Variants in CCT6B observed in about 807,000 individuals in gnomAD.
The protein encoded by CCT6B is chaperonin containing TCP1 subunit 6B.
CCT6B carries 49 observed loss-of-function variants against 61.5 expected under a neutral mutation model. That is an observed-to-expected ratio of 0.80 (90% confidence interval 0.63 to 1.01). CCT6B has a LOEUF of 1.01. Ranked by LOEUF, CCT6B falls within the 50% of genes least tolerant of loss-of-function variation. The pLI, the probability that CCT6B is intolerant of heterozygous loss-of-function variation, is 0.00. For synonymous variants in CCT6B, 228 were observed against 214.5 expected, an observed-to-expected ratio of 1.06 and a Z score of -0.55; for missense variants, 666 against 634.7, an observed-to-expected ratio of 1.05 and a Z score of -0.53.
At chr17:34,955,359 T>C (rs1484424617) in intron 3 of CCT6B, among the ~76,000 whole-genome samples, 1 of 152,356 alleles carries the variant, frequency 6.6e-6, no homozygotes, top group East Asian at 1.9e-4. Context: ...ATTAATTTCC[T>C]GGTTTTTATA....
intron 8 of CCT6B, 77 bp downstream of exon 8, chr17:34,940,462 G>T: frequency 1.3e-6 from 1 of 790,020 alleles, no homozygotes; most frequent in Non-Finnish European, 2.0e-6. Context: ...TTACACATAA[G>T]CTAAAAGGAA....
chr17:34,959,272 T>C (rs2090383889), intron 2 of CCT6B, among the ~76,000 whole-genome samples: 1 of 151,048 alleles, frequency 6.6e-6, no homozygotes, highest in South Asian at 2.1e-4. Flanking sequence ...TATAGGCGTA[T>C]GTCACCACAC....
intron 10 of CCT6B, among the ~76,000 whole-genome samples, chr17:34,934,770 T>G (rs2090075854): frequency 6.6e-6 from 1 of 152,188 alleles, no homozygotes; most frequent in South Asian, 2.1e-4. Context: ...CCACAACAAC[T>G]TTACACTTTC....
At chr17:34,952,234 A>C (rs2090300346) in intron 4 of CCT6B, among the ~76,000 whole-genome samples, 181 bp from the exon 5 acceptor site, 1 of 152,248 alleles carries the variant, frequency 6.6e-6, no homozygotes, top group African/African-American at 2.4e-5. Flanking sequence ...CAGACACTTT[A>C]GAGTCTAAAG....
rs1231637940 is a variant in CCT6B at position 34,939,653 on chromosome 17, G to A, written c.1029C>T (p.Cys343=). The A allele has an allele frequency of 3.7e-6, 6 of 1,612,912 alleles. No individual in the cohort carries two copies. In the African/African-American group the frequency reaches 8.0e-5, roughly 22 times the overall value. The change falls in exon 9 of 14, where the codon TGC becomes TGT. Residue 343 remains cysteine (C), a synonymous_variant. Coordinates refer to ENST00000314144, the MANE Select transcript of CCT6B (RefSeq NM_006584.4). ...CATACACAAGACCAGCATGTCCCAAGCAATCTACAGTGAGATCTTCAAAAG... is the reference window on the plus strand; with the variant it reads ...CATACACAAGACCAGCATGTCCCAAACAATCTACAGTGAGATCTTCAAAAG... The part of the protein sequence containing the change: ...VNSFEDLTVD[C]LGHAGLVYEY...
intron 7 of CCT6B, among the ~76,000 whole-genome samples, chr17:34,941,118 T>C (rs1440375773): frequency 6.6e-6 from 1 of 151,974 alleles, no homozygotes. Context: ...TCTTTGATAC[T>C]ATACCAAAAC....
chr17:34,928,430 G>A (rs1038742752), intron 13 of CCT6B, among the ~76,000 whole-genome samples: 6 of 151,828 alleles, frequency 4.0e-5, no homozygotes, highest in Admixed American at 6.6e-5. Context: ...CCACCAACAC[G>A]CCTGGCTAAT....
rs2142155472 is a variant in CCT6B, at chr17:34,942,793, C to T, written c.725+3G>A. On this transcript the variant is annotated splice_donor_region_variant and intron_variant, in intron 6 of 13. Transcript: ENST00000314144. ...AAAGTTATAAAGAGAAAGTAACACG[C>T]ACGTTTTTTCATATTCCAGTGAAAC... 1.9e-6 allele frequency: 3 copies of T among 1,577,780 alleles called. No homozygotes were observed. The highest frequency in any genetic ancestry group is 1.1e-5 in the South Asian group (1 of 87,260).
At position 34,951,380 on chromosome 17, in the gene CCT6B, G is replaced by T. The variant is rs988436052; in HGVS notation, c.614+570C>A. Among the ~76,000 whole-genome samples, 2 of 152,108 alleles carry T rather than the reference G, an allele frequency of 1.3e-5. 1 individual carries two copies. Among genetic ancestry groups the T allele is most frequent in the Admixed American group, 1.3e-4 (2 of 15,276 alleles). On this transcript the variant is annotated intron_variant, in intron 5 of 13. Coordinates refer to ENST00000314144, the MANE Select transcript of CCT6B (RefSeq NM_006584.4). ...GGGAGGGGGAAAGAGGGAAGGGTATGCTTCATATGTTAGAAATTGATAAAG... is the reference window on the plus strand; with the variant it reads ...GGGAGGGGGAAAGAGGGAAGGGTATTCTTCATATGTTAGAAATTGATAAAG...
At chr17:34,948,227 G>A (rs908971884) in intron 5 of CCT6B, among the ~76,000 whole-genome samples, 4 of 151,894 alleles carry the variant, frequency 2.6e-5, no homozygotes, top group African/African-American at 9.7e-5. Flanking sequence ...GGTCCCCAAA[G>A]TCCACTGTTA....
intron 12 of CCT6B, among the ~76,000 whole-genome samples, chr17:34,929,436 T>C (rs1382048401): frequency 6.6e-6 from 1 of 151,838 alleles, no homozygotes; most frequent in East Asian, 1.9e-4. Flanking sequence ...ATTTAAACCA[T>C]ACACATCTGA....
chr17:34,959,569 TCAGCAG>T lies in CCT6B; in HGVS notation c.201+12_201+17del. The T allele has an allele frequency of 6.3e-7, 1 of 1,593,506 alleles. No homozygotes were observed. Among genetic ancestry groups the T allele is most frequent in the African/African-American group, 1.3e-5 (1 of 74,668 alleles). On this transcript the variant is annotated intron_variant, in intron 2 of 13. Transcript: ENST00000314144. ...TAAGGCTTATTAAGGTTTATTAAAG[TCAGCAG>T]CATCAGCTCACCATCTCATCGAGCA... is the stretch of plus-strand genomic sequence containing the variant.
chr17:34,949,177 C>T (rs1050850917), intron 5 of CCT6B, among the ~76,000 whole-genome samples: 4 of 150,724 alleles, frequency 2.7e-5, no homozygotes, highest in African/African-American at 9.8e-5. Context: ...AAGAAAAGGC[C>T]GAGCACGGTG....
intron 5 of CCT6B, among the ~76,000 whole-genome samples, chr17:34,946,507 T>C (rs1041622155): frequency 3.3e-5 from 5 of 152,158 alleles, no homozygotes; most frequent in Admixed American, 6.6e-5. Context: ...ATAGAACTTC[T>C]ATAAATAGTA....
chr17:34,956,528 C>T (rs2090349327), intron 3 of CCT6B, among the ~76,000 whole-genome samples: 2 of 152,296 alleles, frequency 1.3e-5, no homozygotes, highest in South Asian at 4.1e-4. Flanking sequence ...CCTTGCCAAA[C>T]TCCTTTCTTC....
intron 1 of CCT6B, 40 bp downstream of exon 1, chr17:34,961,217 G>GC (rs748452800): frequency 3.8e-6 from 6 of 1,569,808 alleles, no homozygotes; most frequent in Non-Finnish European, 4.3e-6. Context: ...ACACCAACGG[G>GC]CCCCTAGCCG....
At chr17:34,935,341 A>AATG (rs2090081964) in intron 10 of CCT6B, among the ~76,000 whole-genome samples, 1 of 152,212 alleles carries the variant, frequency 6.6e-6, no homozygotes, top group Non-Finnish European at 1.5e-5. Context: ...TAATGGTTAG[A>AATG]CAACATTGTG....
chr17:34,953,336 TATA>T (rs2090313130), intron 4 of CCT6B, among the ~76,000 whole-genome samples: 2 of 143,442 alleles, frequency 1.4e-5, no homozygotes, highest in African/African-American at 5.1e-5. Flanking sequence ...TATATATATA[TATA>T]TATTTTTTTG....
chr17:34,938,244 T>C (rs2090116832), intron 10 of CCT6B, among the ~76,000 whole-genome samples: 2 of 152,048 alleles, frequency 1.3e-5, no homozygotes, highest in Non-Finnish European at 2.9e-5. Context: ...TCACCAGATA[T>C]ACAAAGGGCA....
Sources: gnomAD v4.1 joint callset for allele counts (sites outside exome capture counted in the v4.1 genomes callset) on GRCh38, gnomAD v4.1.1 for gene constraint, MANE v1.5 for transcripts, NCBI Gene and HGNC (gene_info 2026-07-23, HGNC 2026-07-21) for gene names.